Variants in ANKRD24 observed in about 807,000 individuals in gnomAD.
The protein encoded by ANKRD24 is ankyrin repeat domain 24.
Under a neutral mutation model 127.8 loss-of-function variants are expected in ANKRD24, and 109 were observed. The ratio of observed to expected loss-of-function variants is 0.85; its 90% CI spans 0.73 to 1.00. The LOEUF (loss-of-function observed/expected upper bound fraction) is 1.00. Ranked by LOEUF, ANKRD24 falls within the 50% of genes least tolerant of loss-of-function variation. The pLI, the probability that ANKRD24 is intolerant of heterozygous loss-of-function variation, is 0.00. For synonymous variants in ANKRD24, 743 were observed against 671.1 expected (o/e 1.11, Z -1.66); for missense variants, 1,648 against 1,570.2 (o/e 1.05, Z -0.84).
intron 19 of ANKRD24, among the ~76,000 whole-genome samples, chr19:4,222,461 G>T (rs979736117): frequency 6.6e-6 from 1 of 152,222 alleles, no homozygotes; most frequent in Non-Finnish European, 1.5e-5. Context: ...AACAGGCTGT[G>T]TTGGTAACCA....
chr19:4,210,056 A>G lies in ANKRD24; in HGVS notation c.871-2A>G. ...TTCACTCTCTCTCCCCTCCCTTCCC[A>G]GAACTCTATGTCCAGCCATGGAAAG... On this transcript the variant is annotated splice_acceptor_variant, in intron 11 of 21. Transcript: ENST00000318934. LOFTEE classifies it high-confidence loss of function. 1 of 1,608,478 alleles carries G rather than the reference A, an allele frequency of 6.2e-7. No homozygotes were observed. Among genetic ancestry groups the G allele is most frequent in the Non-Finnish European group, 8.5e-7 (1 of 1,177,140 alleles).
intron 16 of ANKRD24, 108 bp from the exon 17 acceptor site, chr19:4,216,176 C>G: frequency 7.2e-7 from 1 of 1,396,570 alleles, no homozygotes; most frequent in Non-Finnish European, 9.8e-7. Context: ...TTTTTAAATT[C>G]TGCTTGGCTG....
At position 4,195,060 on chromosome 19, in the gene ANKRD24, T is replaced by TTTTG. The variant is rs139221641; in HGVS notation, c.37-4599_37-4596dup. Reference sequence around the variant, plus strand: ...TCGGCGTGAGCCACCGCGCCCAGGTTTTTGTTTGTTTGTTTGTTTGTTTGT... The same window carrying TTTTG: ...TCGGCGTGAGCCACCGCGCCCAGGTTTTTGTTTGTTTGTTTGTTTGTTTGTTTGT... On this transcript the variant is annotated intron_variant, in intron 2 of 21. Coordinates refer to ENST00000318934, the MANE Select transcript of ANKRD24 (RefSeq NM_001393985.1). This position sits in a 1 kb window ranked among gnomAD's most constrained non-coding sequence, Gnocchi z 4.2. 0.045 allele frequency among the ~76,000 whole-genome samples: 6,617 copies of TTTTG among 148,488 alleles called. 324 individuals are homozygous for TTTTG. The highest frequency in any genetic ancestry group is 0.13 in the African/African-American group (5,127 of 40,306).
Position 4,224,558 on chromosome 19 carries a change from C to T in ANKRD24, c.*53C>T. The T allele has an allele frequency of 6.7e-7, 1 of 1,485,660 alleles. No homozygotes were observed. Among genetic ancestry groups the T allele is most frequent in the African/African-American group, 1.4e-5 (1 of 71,820 alleles). 92.0% of individuals were successfully genotyped at this position (1,485,660 alleles called of 1,614,324 possible). On this transcript the variant is annotated 3_prime_UTR_variant, in exon 22 of 22. Coordinates refer to ENST00000318934, the MANE Select transcript of ANKRD24 (RefSeq NM_001393985.1). ...ACCACACCCACGCAGGGACCTCACC[C>T]CCCTGCAGGCCCCTTGCAGACCGGC... is the stretch of plus-strand genomic sequence containing the variant.
intron 1 of ANKRD24, among the ~76,000 whole-genome samples, chr19:4,186,048 C>A (rs1407180382): frequency 6.6e-6 from 1 of 152,098 alleles, no homozygotes; most frequent in Non-Finnish European, 1.5e-5. Flanking sequence ...CCAGAAAAGG[C>A]TTGATCTGTT....
In ANKRD24 at chr19:4,219,699, C is replaced by A; in HGVS notation, c.3112C>A (p.Arg1038Ser). 3.1e-6 allele frequency: 5 copies of A among 1,613,658 alleles called. No homozygotes were observed. The highest frequency in any genetic ancestry group is 4.2e-6 in the Non-Finnish European group (5 of 1,179,768). ...RGLRTEAERA[R>S]QAQSRAQEAL... ...GCTACGGACCGAGGCGGAAAGGGCT[C>A]GCCAGGCCCAGAGCCGGGCCCAGGA... Residue 1038 changes from arginine (R) to serine (S), a missense_variant, in exon 19 of 22, where the codon CGC becomes AGC. Transcript: ENST00000318934.
At chr19:4,219,112 C>T (rs1030532386) in intron 18 of ANKRD24, among the ~76,000 whole-genome samples, 2 of 151,944 alleles carry the variant, frequency 1.3e-5, no homozygotes, top group Non-Finnish European at 2.9e-5. Context: ...ATCGTGAAAC[C>T]CCGTCTCTAC....
chr19:4,224,302 G>A lies in ANKRD24; in HGVS notation c.3363+110G>A, dbSNP rs759176179. 18 of 1,415,300 alleles carry A rather than the reference G, an allele frequency of 1.3e-5. No homozygotes were observed. In the African/African-American group the frequency reaches 1.4e-4, roughly 11 times the overall value. The allele number at this position is 1,415,300 out of a possible 1,614,324, so 87.7% of individuals were successfully genotyped here. On this transcript the variant is annotated intron_variant, in intron 21 of 21. Transcript: ENST00000318934. ...GGGAGGCTGGTCTGGGGAGAGGTTC[G>A]TGGCATGTGGGAGCCCCCCTGTGTG... is the stretch of plus-strand genomic sequence containing the variant.
At chr19:4,220,182 A>G (rs1003280537) in intron 19 of ANKRD24, among the ~76,000 whole-genome samples, 2 of 152,102 alleles carry the variant, frequency 1.3e-5, no homozygotes, top group African/African-American at 4.8e-5. Context: ...CACGTTGGCC[A>G]GGCTGGTCTC....
chr19:4,215,947 C>A (rs999312838), intron 15 of ANKRD24, 31 bp from the exon 16 acceptor site: 6 of 1,545,668 alleles, frequency 3.9e-6, no homozygotes, highest in Non-Finnish European at 5.3e-6. Flanking sequence ...GAGAGCAGAA[C>A]CCCGAGCTGG....
intron 1 of ANKRD24, among the ~76,000 whole-genome samples, chr19:4,183,973 A>C (rs1967896909): frequency 6.6e-6 from 1 of 152,220 alleles, no homozygotes; most frequent in African/African-American, 2.4e-5. Flanking sequence ...GGTGACATGA[A>C]GTACAGAAAG....
rs780090573 is a variant in ANKRD24 at position 4,207,614 on chromosome 19, A to T, written c.644+7A>T. The T allele has an allele frequency of 6.2e-7, 1 of 1,613,194 alleles. No individual in the cohort carries two copies. Among genetic ancestry groups the T allele is most frequent in the Non-Finnish European group, 8.5e-7 (1 of 1,179,220 alleles). The stretch of plus-strand genomic sequence containing the variant: ...ATCAGGACCTGCAAGGCAGGTGAGC[A>T]TCTCCCCTCCCAGCCAGTCCACCCT... On this transcript the variant is annotated splice_region_variant and intron_variant, in intron 9 of 21. Coordinates refer to ENST00000318934, the MANE Select transcript of ANKRD24 (RefSeq NM_001393985.1).
intron 2 of ANKRD24, among the ~76,000 whole-genome samples, chr19:4,196,960 T>C (rs1358613283): frequency 2.6e-5 from 4 of 152,130 alleles, no homozygotes; most frequent in African/African-American, 9.7e-5. Context: ...GGCTAGAGAA[T>C]GTCAGAGCTG....
In ANKRD24 at chr19:4,207,317, GCTT is replaced by G; in HGVS notation, c.537+8_537+10del. 2.5e-6 allele frequency: 4 copies of G among 1,613,414 alleles called. No homozygotes were observed. In the South Asian group the frequency reaches 4.4e-5, roughly 18 times the overall value. ...CATCTAAACCCCCAAGATCGGGTAA[GCTT>G]CTGGGATCTCTTCAGGGAAGATGTT... On this transcript the variant is annotated splice_donor_region_variant and intron_variant, in intron 8 of 21. Transcript: ENST00000318934.
At chr19:4,193,912 G>A (rs926754926) in intron 2 of ANKRD24, among the ~76,000 whole-genome samples, 6 of 151,124 alleles carry the variant, frequency 4.0e-5, no homozygotes, top group African/African-American at 1.5e-4. Flanking sequence ...ATGAGGTCAG[G>A]GGTCAGGCAC....
rs1051275707 is a variant in ANKRD24 at position 4,198,656 on chromosome 19, C to G, written c.37-1027C>G. On this transcript the variant is annotated intron_variant, in intron 2 of 21. Coordinates refer to ENST00000318934, the MANE Select transcript of ANKRD24 (RefSeq NM_001393985.1). The surrounding 1 kb of genome is among the most constrained non-coding windows in gnomAD (Gnocchi z 6.1). ...CAGACCCGGGAAAGATGGTCGGCGG[C>G]GGGGGGTGGGGGGGAACAGAGGTTG... is the stretch of plus-strand genomic sequence containing the variant. The G allele has an allele frequency of 2.6e-6, 1 of 390,540 alleles. No homozygotes were observed. Among genetic ancestry groups the G allele is most frequent in the Non-Finnish European group, 4.5e-6 (1 of 220,804 alleles). The allele number at this position is 390,540 out of a possible 1,614,324, so 24.2% of individuals were successfully genotyped here.
intron 2 of ANKRD24, among the ~76,000 whole-genome samples, chr19:4,193,291 C>A (rs867678744): frequency 1.4e-3 from 69 of 48,928 alleles, no homozygotes; most frequent in African/African-American, 7.0e-3. Context: ...AATAGAGCGA[C>A]TCCATCAAAA....
chr19:4,216,198 G>T, intron 16 of ANKRD24, 86 bp from the exon 17 acceptor site: 1 of 1,430,244 alleles, frequency 7.0e-7, no homozygotes. Context: ...GCCTGCCCTG[G>T]GAACCCTGAT....
At chr19:4,187,275 C>T (rs1267210082) in intron 2 of ANKRD24, among the ~76,000 whole-genome samples, 5 of 151,944 alleles carry the variant, frequency 3.3e-5, no homozygotes, top group South Asian at 4.1e-4. Context: ...TAGCTGGGCA[C>T]GGTGGCGGGC....
Sources: allele counts gnomAD v4.1 joint callset (sites outside exome capture counted in the v4.1 genomes callset), GRCh38; gene constraint gnomAD v4.1.1; non-coding constraint Gnocchi (gnomAD v3.1); transcripts MANE v1.5; gene names NCBI Gene and HGNC (gene_info 2026-07-23, HGNC 2026-07-21).